ARRB1: variants seen among roughly 807,000 people sequenced by gnomAD.
ARRB1 encodes the protein beta-arrestin-1.
ARRB1 carries 21 observed loss-of-function variants against 56.8 expected under a neutral mutation model. The ratio of observed to expected loss-of-function variants is 0.37; its 90% CI spans 0.26 to 0.53. ARRB1 has a LOEUF of 0.53. ARRB1 is among the 20% of genes least tolerant of loss of function. The pLI, the probability that ARRB1 is intolerant of heterozygous loss-of-function variation, is 0.88. For synonymous variants in ARRB1, 210 were observed against 218.6 expected (o/e 0.96, Z 0.35); for missense variants, 424 against 553.7 (o/e 0.77, Z 2.35).
At chr11:75,339,377 T>C (rs895665175) in intron 1 of ARRB1, among the ~76,000 whole-genome samples, 2 of 152,200 alleles carry the variant, frequency 1.3e-5, no homozygotes, top group African/African-American at 4.8e-5. Flanking sequence ...GTGGCAGAAC[T>C]TTCACTTTTC....
At chr11:75,325,691 T>A (rs1044281871) in intron 1 of ARRB1, among the ~76,000 whole-genome samples, 1 of 152,174 alleles carries the variant, frequency 6.6e-6, no homozygotes, top group Non-Finnish European at 1.5e-5. Context: ...TATAGACTAG[T>A]GAACTCTGCG....
At chr11:75,343,788 G>A (rs1017400866) in intron 1 of ARRB1, among the ~76,000 whole-genome samples, 3 of 152,016 alleles carry the variant, frequency 2.0e-5, no homozygotes, top group Non-Finnish European at 4.4e-5. Context: ...AAGGCTTCCT[G>A]GAGGAAGTGT....
At chr11:75,268,216 C>G (rs1945980169) in intron 14 of ARRB1, among the ~76,000 whole-genome samples, 1 of 151,926 alleles carries the variant, frequency 6.6e-6, no homozygotes, top group South Asian at 2.1e-4. Flanking sequence ...ACTTGAAAAA[C>G]AGGCCAGGCC....
intron 1 of ARRB1, among the ~76,000 whole-genome samples, chr11:75,350,473 G>C (rs1273573942): frequency 6.6e-6 from 1 of 152,182 alleles, no homozygotes; most frequent in Non-Finnish European, 1.5e-5. Flanking sequence ...GCCCACTTAG[G>C]GGGTGGGGAG....
Position 75,263,030 on chromosome 11 carries a change from C to CG in ARRB1, c.*3132dup. Among the ~76,000 whole-genome samples the CG allele has an allele frequency of 6.6e-6, 1 of 152,290 alleles. No homozygotes were observed. Among genetic ancestry groups the CG allele is most frequent in the East Asian group, 1.9e-4 (1 of 5,182 alleles). ...CCGGGGCATGCTTTTCCTTCCTGCC[C>CG]GGACCGGTGTCCACACGCCACCCAC... On this transcript the variant is annotated 3_prime_UTR_variant, in exon 16 of 16. Transcript: ENST00000420843.
At chr11:75,271,055 T>C (rs1463228362) in intron 13 of ARRB1, 1 of 152,202 alleles carries the variant, frequency 6.6e-6, no homozygotes, top group Non-Finnish European at 1.5e-5. Context: ...GGACCACATC[T>C]GATTCCTCTC....
At position 75,265,861 on chromosome 11, in the gene ARRB1, C is replaced by G. The variant is rs1201616672; in HGVS notation, c.*302G>C. 1 of 417,238 alleles carries G rather than the reference C, an allele frequency of 2.4e-6. No individual in the cohort carries two copies. The highest frequency in any genetic ancestry group is 4.5e-6 in the Non-Finnish European group (1 of 223,936). The allele number at this position is 417,238 out of a possible 1,614,324, so 25.8% of individuals were successfully genotyped here. ...ATTCCCCATCCTCCCCTGTCTGCTCCCCATCTCAAGTCCAATTCCAAGGCC... is the reference window on the plus strand; with the variant it reads ...ATTCCCCATCCTCCCCTGTCTGCTCGCCATCTCAAGTCCAATTCCAAGGCC... On this transcript the variant is annotated 3_prime_UTR_variant, in exon 16 of 16. Transcript: ENST00000420843.
intron 1 of ARRB1, among the ~76,000 whole-genome samples, chr11:75,316,746 T>C (rs1263747191): frequency 1.3e-5 from 2 of 151,826 alleles, no homozygotes; most frequent in East Asian, 1.9e-4. Context: ...GTGAGACTTA[T>C]CTCTTTAAAA....
intron 1 of ARRB1, among the ~76,000 whole-genome samples, chr11:75,338,398 A>C (rs980438731): frequency 6.6e-6 from 1 of 152,154 alleles, no homozygotes; most frequent in Non-Finnish European, 1.5e-5. Flanking sequence ...CCATGTCTCT[A>C]TCACCATTCA....
At chr11:75,328,056 C>T (rs1331441450) in intron 1 of ARRB1, among the ~76,000 whole-genome samples, 2 of 152,250 alleles carry the variant, frequency 1.3e-5, no homozygotes, top group Non-Finnish European at 2.9e-5. Flanking sequence ...ATTTCCATCA[C>T]TCCAAAGTAA....
chr11:75,303,044 C>A (rs1328266357), intron 1 of ARRB1, among the ~76,000 whole-genome samples: 1 of 152,016 alleles, frequency 6.6e-6, no homozygotes, highest in African/African-American at 2.4e-5. Context: ...CTCTGTCACC[C>A]AGGCTGGAGT....
rs1945855744 is a variant in ARRB1 at position 75,264,008 on chromosome 11, C to G, written c.*2155G>C. ...GGCATATGTTTGCCATGCATTGCTC[C>G]AGCATTTCATCAGCTCTGCGCCTGC... On this transcript the variant is annotated 3_prime_UTR_variant, in exon 16 of 16. Transcript: ENST00000420843. Among the ~76,000 whole-genome samples the G allele has an allele frequency of 6.6e-6, 1 of 152,224 alleles. No individual in the cohort carries two copies. The highest frequency in any genetic ancestry group is 6.5e-5 in the Admixed American group (1 of 15,278).
chr11:75,315,819 A>C (rs11607741), intron 1 of ARRB1, among the ~76,000 whole-genome samples: 31,806 of 152,098 alleles, frequency 0.21, 3,430 homozygotes, highest in Non-Finnish European at 0.23. Context: ...ACCCCCACAA[A>C]CACCTGCCCT....
At chr11:75,302,523 C>G (rs1031206670) in intron 1 of ARRB1, among the ~76,000 whole-genome samples, 3 of 152,220 alleles carry the variant, frequency 2.0e-5, no homozygotes, top group African/African-American at 7.2e-5. Flanking sequence ...CGCTGCCCAG[C>G]CTTCCTGGGG....
chr11:75,349,448 A>G lies in ARRB1; in HGVS notation c.20+2140T>C, dbSNP rs150585821. Among the ~76,000 whole-genome samples, 48 of 152,328 alleles carry G rather than the reference A, an allele frequency of 3.2e-4. 1 individual carries two copies. In the East Asian group the frequency reaches 8.9e-3, roughly 28 times the overall value. On this transcript the variant is annotated intron_variant, in intron 1 of 15. Coordinates refer to ENST00000420843, the MANE Select transcript of ARRB1 (RefSeq NM_004041.5). ...GCCATGGAAAATACCTTGGCCTCAG[A>G]GACAGGGTCTCCAACAGGTGCCTGG...
intron 8 of ARRB1, 71 bp downstream of exon 8, chr11:75,278,538 A>G: frequency 1.2e-6 from 2 of 1,602,642 alleles, no homozygotes; most frequent in Non-Finnish European, 1.7e-6. Flanking sequence ...GCAGGCCAGG[A>G]GAGAGCTGGG....
In ARRB1 at chr11:75,269,377, T is replaced by TC. The variant is rs545387385; in HGVS notation, c.1023-419dup. Among the ~76,000 whole-genome samples the TC allele has an allele frequency of 2.4e-4, 36 of 151,572 alleles. No homozygotes were observed. The South Asian group carries it at 6.9e-3, about 29-fold the overall frequency. On this transcript the variant is annotated intron_variant, in intron 13 of 15. Transcript: ENST00000420843. ...TTCCCAACTTCCAGGTCGGAGCTCC[T>TC]CCCACCCTCACGCCATCCCATCTCC...
Position 75,262,338 on chromosome 11 carries a change from A to C in ARRB1, c.*3825T>G, listed in dbSNP as rs1487513912. ...ATGTCCCCCTCCACCAATCACTGAC[A>C]ATATCCAGGTCTTCCCTCTGTGTCC... On this transcript the variant is annotated 3_prime_UTR_variant, in exon 16 of 16. Coordinates refer to ENST00000420843, the MANE Select transcript of ARRB1 (RefSeq NM_004041.5). 6.6e-6 allele frequency: 1 copy of C among 152,228 alleles called. No homozygotes were observed. Among genetic ancestry groups the C allele is most frequent in the African/African-American group, 2.4e-5 (1 of 41,434 alleles). 9.4% of individuals were successfully genotyped at this position (152,228 alleles called of 1,614,324 possible). A position where few individuals can be genotyped will look rare whatever the true frequency, so the allele number is the denominator to read the frequency against.
chr11:75,282,150 T>C, intron 5 of ARRB1, 129 bp from the exon 6 acceptor site: 1 of 882,974 alleles, frequency 1.1e-6, no homozygotes. Flanking sequence ...GTCTATCCCA[T>C]CAGACCATGC....
Sources: gnomAD v4.1 joint callset for allele counts (sites outside exome capture counted in the v4.1 genomes callset) on GRCh38, gnomAD v4.1.1 for gene constraint, MANE v1.5 for transcripts, NCBI Gene and HGNC (gene_info 2026-07-23, HGNC 2026-07-21) for gene names.